Variants in F2 observed in about 807,000 individuals in gnomAD.
F2 encodes prothrombin.
F2 carries 34 observed loss-of-function variants against 81.9 expected under a neutral mutation model. That is an observed-to-expected ratio of 0.42 (90% CI 0.32 to 0.55). F2 has a LOEUF of 0.55. F2 is among the 20% of genes least tolerant of loss of function. F2 has a pLI of 0.18. For missense variants in F2, 630 were observed against 833.4 expected (o/e 0.76, Z 3.00); for synonymous variants, 296 against 326.4 (o/e 0.91, Z 1.01).
chr11:46,719,682 A>C lies in F2; in HGVS notation c.80-20A>C, dbSNP rs547147827. On this transcript the variant is annotated intron_variant, in intron 1 of 13. Transcript: ENST00000311907. This position sits in a 1 kb window ranked among gnomAD's most constrained non-coding sequence, Gnocchi z 4.7. ...CTGTTCCTGAGGCCGCTGTCCCATG[A>C]CCCCCCCACCGCCTTACAGTGTTCC... The C allele has an allele frequency of 8.9e-6, 14 of 1,575,916 alleles. 1 individual carries two copies. In the South Asian group the frequency reaches 1.6e-4, roughly 18 times the overall value.
At chr11:46,733,782 C>CTTTTTTTTTT in intron 12 of F2, among the ~76,000 whole-genome samples, 1 of 89,770 alleles carries the variant, frequency 1.1e-5, no homozygotes, top group Non-Finnish European at 2.0e-5. Flanking sequence ...GATTAAGGAC[C>CTTTTTTTTTT]TTTTTTTTTT....
chr11:46,720,218 T>C (rs983735181), intron 2 of F2: 6 of 551,524 alleles, frequency 1.1e-5, no homozygotes, highest in Non-Finnish European at 1.6e-5. Flanking sequence ...GGCTCAAGAC[T>C]CAGTGTTCCT....
chr11:46,739,230 T>C, intron 13 of F2, 35 bp from the exon 14 acceptor site: 1 of 1,613,792 alleles, frequency 6.2e-7, no homozygotes, highest in East Asian at 2.2e-5. Flanking sequence ...GACCTTGAAC[T>C]TGACTCTATT....
intron 6 of F2, among the ~76,000 whole-genome samples, chr11:46,725,069 C>CTT (rs71455298): frequency 0.1 from 10,699 of 106,152 alleles, 1,089 homozygotes; most frequent in African/African-American, 0.2. Context: ...TGCGCCCGGC[C>CTT]TTTTTTTTTT....
At chr11:46,729,241 A>G in intron 11 of F2, 139 bp from the exon 12 acceptor site, 1 of 941,470 alleles carries the variant, frequency 1.1e-6, no homozygotes, top group Non-Finnish European at 1.6e-6. Context: ...CGGCCTCCCA[A>G]AGTGCCGAGA....
At position 46,721,841 on chromosome 11, in the gene F2, A is replaced by ATTT. The variant is rs1195063307; in HGVS notation, c.316+1018_316+1020dup. On this transcript the variant is annotated intron_variant, in intron 4 of 13. Coordinates refer to ENST00000311907, the MANE Select transcript of F2 (RefSeq NM_000506.5). Reference sequence around the variant, plus strand: ...CACCATGCCTGGCTGCCATACTTTCATTTTTTTTTTTTTTTTTTTGAGGTG... The same window carrying ATTT: ...CACCATGCCTGGCTGCCATACTTTCATTTTTTTTTTTTTTTTTTTTTTGAGGTG... 3.9e-4 allele frequency among the ~76,000 whole-genome samples: 51 copies of ATTT among 130,026 alleles called. 2 individuals carry two copies. The highest frequency in any genetic ancestry group is 9.7e-4 in the South Asian group (4 of 4,138). 85.3% of individuals were successfully genotyped at this position (130,026 alleles called of 152,430 possible).
intron 12 of F2, among the ~76,000 whole-genome samples, chr11:46,736,875 A>G (rs901463419): frequency 6.6e-6 from 1 of 152,212 alleles, no homozygotes; most frequent in Non-Finnish European, 1.5e-5. Flanking sequence ...TATTGGGATT[A>G]TGACACTTCA....
At chr11:46,720,294 A>G in intron 2 of F2, 1 of 589,140 alleles carries the variant, frequency 1.7e-6, no homozygotes. Context: ...CTCTCCTCCC[A>G]TCTCCCCCAG....
chr11:46,726,452 G>T lies in F2; in HGVS notation c.875-46G>T. 1.3e-6 allele frequency: 2 copies of T among 1,598,010 alleles called. No homozygotes were observed. The highest frequency in any genetic ancestry group is 1.1e-5 in the South Asian group (1 of 88,932). On this transcript the variant is annotated intron_variant, in intron 7 of 13. Coordinates refer to ENST00000311907, the MANE Select transcript of F2 (RefSeq NM_000506.5). The surrounding 1 kb of genome is among the most constrained non-coding windows in gnomAD (Gnocchi z 5.9). The stretch of plus-strand genomic sequence containing the variant: ...AATTGGGGGGATCTAGGGGATGGGT[G>T]AGGAATGGCCCAGCCCAGTCCCAGC...
intron 12 of F2, among the ~76,000 whole-genome samples, chr11:46,731,820 T>A (rs914573491): frequency 1.3e-5 from 2 of 152,000 alleles, no homozygotes; most frequent in Admixed American, 6.6e-5. Context: ...AACTCTGACC[T>A]CTTGAGGAAG....
Position 46,720,939 on chromosome 11 carries a change from A to G in F2, c.316+99A>G, listed in dbSNP as rs3136436. On this transcript the variant is annotated intron_variant, in intron 4 of 13. Transcript: ENST00000311907. Reference sequence around the variant, plus strand: ...GAGTGTGGCTGGTGGAGGCCGAGGCAGTCCCCAGCATCTGACATTGCTCCC... The same window carrying G: ...GAGTGTGGCTGGTGGAGGCCGAGGCGGTCCCCAGCATCTGACATTGCTCCC... 0.077 allele frequency: 98,329 copies of G among 1,269,922 alleles called. 4,453 individuals carry two copies. The highest frequency in any genetic ancestry group is 0.1 in the Middle Eastern group (535 of 5,258). The allele number at this position is 1,269,922 out of a possible 1,614,324, so 78.7% of individuals were successfully genotyped here.
chr11:46,720,683 A>T, intron 3 of F2, 107 bp from the exon 4 acceptor site: 2 of 1,504,792 alleles, frequency 1.3e-6, no homozygotes, highest in Non-Finnish European at 9.3e-7. Context: ...GGTCCCTCCC[A>T]TCTGTTCATC....
At chr11:46,720,598 T>A in intron 3 of F2, 51 bp downstream of exon 3, 1 of 1,609,264 alleles carries the variant, frequency 6.2e-7, no homozygotes, top group Non-Finnish European at 8.5e-7. Context: ...GGGACCCCAG[T>A]GAGAGAATTC....
chr11:46,721,906 G>A (rs936846273), intron 4 of F2, among the ~76,000 whole-genome samples: 14 of 151,216 alleles, frequency 9.3e-5, no homozygotes, highest in Non-Finnish European at 4.4e-5. Flanking sequence ...GCAGCAGCGC[G>A]ATCTCGGCTC....
chr11:46,735,777 C>G (rs1351352413), intron 12 of F2, among the ~76,000 whole-genome samples: 1 of 151,796 alleles, frequency 6.6e-6, no homozygotes, highest in East Asian at 1.9e-4. Context: ...ACAAAATTAG[C>G]CAGACATGGA....
At chr11:46,735,492 T>C (rs1013789638) in intron 12 of F2, among the ~76,000 whole-genome samples, 2 of 151,806 alleles carry the variant, frequency 1.3e-5, no homozygotes, top group African/African-American at 4.8e-5. Context: ...CATGGTGGCA[T>C]GTGCCTTGTA....
chr11:46,720,148 G>A (rs1399408076), intron 2 of F2: 25 of 560,236 alleles, frequency 4.5e-5, no homozygotes, highest in South Asian at 2.8e-4. Flanking sequence ...CCTCCTCAGC[G>A]GCAGACTCCC....
Position 46,723,440 on chromosome 11 carries a change from G to A in F2, c.481G>A (p.Asp161Asn), listed in dbSNP as rs374766750. The A allele has an allele frequency of 2.5e-6, 4 of 1,614,062 alleles. No homozygotes were observed. Among genetic ancestry groups the A allele is most frequent in the South Asian group, 1.1e-5 (1 of 91,070 alleles). The change falls in exon 6 of 14, where the codon GAC becomes AAC. Residue 161 changes from aspartate (D) to asparagine (N), a missense_variant. Asp to Asn is a conservative substitution (Grantham distance 23). Transcript: ENST00000311907. This position sits in a 1 kb window ranked among gnomAD's most constrained non-coding sequence, Gnocchi z 5.6. ...DLQENFCRNP[D>N]SSTTGPWCYT... ...ACAGGAGAATTTCTGCCGCAACCCCGACAGCAGCACCACGGGACCCTGGTG... is the reference window on the plus strand; with the variant it reads ...ACAGGAGAATTTCTGCCGCAACCCCAACAGCAGCACCACGGGACCCTGGTG...
At chr11:46,738,848 G>C (rs1409186686) in intron 12 of F2, among the ~76,000 whole-genome samples, 200 bp from the exon 13 acceptor site, 3 of 152,198 alleles carry the variant, frequency 2.0e-5, no homozygotes, top group Admixed American at 1.3e-4. Context: ...AGCTAGAAGT[G>C]GTGAGAAGGG....
Sources: allele counts gnomAD v4.1 joint callset (sites outside exome capture counted in the v4.1 genomes callset), GRCh38; gene constraint gnomAD v4.1.1; non-coding constraint Gnocchi (gnomAD v3.1); transcripts MANE v1.5; gene names NCBI Gene and HGNC (gene_info 2026-07-23, HGNC 2026-07-21).